The following DLGAP1 variants were observed in gnomAD, a reference collection of about 807,000 sequenced individuals.
The protein encoded by DLGAP1 is disks large-associated protein 1.
DLGAP1 carries 11 observed loss-of-function variants against 90.8 expected under a neutral mutation model. That is an observed-to-expected ratio of 0.12 (90% CI 0.08 to 0.20). DLGAP1 has a LOEUF of 0.20. Ranked by LOEUF, DLGAP1 falls within the 10% of genes least tolerant of loss-of-function variation. DLGAP1 has a pLI of 1.00. For missense variants in DLGAP1, 1,050 were observed against 1,333.8 expected, an observed-to-expected ratio of 0.79 and a Z score of 3.31; for synonymous variants, 558 against 540.7, an observed-to-expected ratio of 1.03 and a Z score of -0.44.
rs1751394536 is a variant in DLGAP1 at position 3,727,664 on chromosome 18, TCA to T, written c.1591+1469_1591+1470del. Reference sequence around the variant, plus strand: ...ACAGGGACAGGGCAGACCTTCCAAATCACACTTACTGCATGAATGCAAACACA... The same window carrying T: ...ACAGGGACAGGGCAGACCTTCCAAATCACTTACTGCATGAATGCAAACACA... On this transcript the variant is annotated intron_variant, in intron 7 of 12. Transcript: ENST00000315677. This position sits in a 1 kb window ranked among gnomAD's most constrained non-coding sequence, Gnocchi z 4.7. 6.6e-6 allele frequency: 1 copy of T among 152,180 alleles called. No homozygotes were observed. Among genetic ancestry groups the T allele is most frequent in the Non-Finnish European group, 1.5e-5 (1 of 68,016 alleles). 9.4% of individuals were successfully genotyped at this position (152,180 alleles called of 1,614,324 possible). A position where few individuals can be genotyped will look rare whatever the true frequency, so the allele number is the denominator to read the frequency against.
At chr18:3,581,664 G>GAAAA (rs71159093) in intron 8 of DLGAP1, among the ~76,000 whole-genome samples, 1 of 142,078 alleles carries the variant, frequency 7.0e-6, no homozygotes, top group Non-Finnish European at 1.5e-5. Flanking sequence ...TTCTCACCAT[G>GAAAA]AAAAAAAAAA....
At chr18:4,364,032 T>C (rs2081696004) in intron 1 of DLGAP1, among the ~76,000 whole-genome samples, 1 of 151,290 alleles carries the variant, frequency 6.6e-6, no homozygotes, top group African/African-American at 2.4e-5. Flanking sequence ...ATAGACTGGA[T>C]TAAGAAAATG....
intron 7 of DLGAP1, among the ~76,000 whole-genome samples, chr18:3,679,627 C>T (rs531924414): frequency 3.4e-5 from 5 of 149,176 alleles, no homozygotes; most frequent in African/African-American, 1.2e-4. Context: ...CGATGAGCTC[C>T]GTGGTAGTTT....
At chr18:4,233,294 C>T (rs548424465) in intron 1 of DLGAP1, among the ~76,000 whole-genome samples, 80 of 152,276 alleles carry the variant, frequency 5.3e-4, no homozygotes, top group African/African-American at 1.9e-3. Context: ...TCCTTAGTCT[C>T]TTCTAATCTG....
rs111502924 is a variant in DLGAP1, at chr18:4,162,574, A to T, written c.-266-11287T>A. 5.6e-3 allele frequency among the ~76,000 whole-genome samples: 849 copies of T among 152,330 alleles called. 9 individuals are homozygous for T. The highest frequency in any genetic ancestry group is 0.017 in the African/African-American group (722 of 41,564). On this transcript the variant is annotated intron_variant, in intron 1 of 12. Transcript: ENST00000315677. ...CCAAAAATTCCACCTAAATTTTCTGAGATTAATCCATTTGAAGTCTTTGAA... is the reference window on the plus strand; with the variant it reads ...CCAAAAATTCCACCTAAATTTTCTGTGATTAATCCATTTGAAGTCTTTGAA...
intron 3 of DLGAP1, among the ~76,000 whole-genome samples, chr18:3,918,108 A>G (rs894066190): frequency 1.3e-5 from 2 of 152,242 alleles, no homozygotes; most frequent in Non-Finnish European, 2.9e-5. Flanking sequence ...CTAGGATAAC[A>G]TTCTGAAGAA....
intron 5 of DLGAP1, among the ~76,000 whole-genome samples, chr18:3,805,042 C>G (rs1054707166): frequency 6.6e-6 from 1 of 152,208 alleles, no homozygotes; most frequent in African/African-American, 2.4e-5. Context: ...TTCTGTTGTA[C>G]TGGGAATCCT....
chr18:3,600,372 C>T (rs1207065640), intron 7 of DLGAP1, among the ~76,000 whole-genome samples: 1 of 152,004 alleles, frequency 6.6e-6, no homozygotes, highest in Non-Finnish European at 1.5e-5. Context: ...TCTCCTGCCT[C>T]AGCCTCCCGA....
intron 7 of DLGAP1, among the ~76,000 whole-genome samples, chr18:3,703,993 T>C (rs946242159): frequency 3.3e-5 from 5 of 152,270 alleles, no homozygotes; most frequent in Middle Eastern, 3.4e-3. Flanking sequence ...AATTATACCA[T>C]TGGGAACATT....
chr18:4,265,297 T>C (rs1380213196), intron 1 of DLGAP1, among the ~76,000 whole-genome samples: 1 of 152,002 alleles, frequency 6.6e-6, no homozygotes, highest in Admixed American at 6.6e-5. Context: ...GCCTCTGGAA[T>C]AGCTGGGACT....
chr18:4,228,108 G>GA (rs35904974), intron 1 of DLGAP1, among the ~76,000 whole-genome samples: 3,102 of 145,198 alleles, frequency 0.021, 42 homozygotes, highest in Middle Eastern at 0.077. Flanking sequence ...TAGAAGAAAT[G>GA]AAAAAAAAAA....
chr18:4,422,989 A>C (rs1395968415), intron 1 of DLGAP1, among the ~76,000 whole-genome samples: 1 of 152,170 alleles, frequency 6.6e-6, no homozygotes, highest in Admixed American at 6.5e-5. Flanking sequence ...GATTAGCATA[A>C]TGATTAGTGC....
chr18:4,218,506 A>G (rs551582818), intron 1 of DLGAP1, among the ~76,000 whole-genome samples: 1 of 152,126 alleles, frequency 6.6e-6, no homozygotes, highest in East Asian at 1.9e-4. Context: ...ATTTTGCAAT[A>G]TATAATACAT....
intron 4 of DLGAP1, chr18:3,874,893 G>A: frequency 1.4e-6 from 1 of 736,326 alleles, no homozygotes; most frequent in South Asian, 5.4e-5. Flanking sequence ...CGTATTAACT[G>A]GGACTTGCAA....
At chr18:3,768,883 A>G (rs1169193052) in intron 5 of DLGAP1, among the ~76,000 whole-genome samples, 1 of 152,224 alleles carries the variant, frequency 6.6e-6, no homozygotes, top group African/African-American at 2.4e-5. Flanking sequence ...TAGAATCAAC[A>G]CTAAAAGAAT....
chr18:3,749,271 C>T (rs1192387608), intron 5 of DLGAP1, among the ~76,000 whole-genome samples: 5 of 151,700 alleles, frequency 3.3e-5, no homozygotes, highest in Admixed American at 2.0e-4. Flanking sequence ...GCCTCAGCCT[C>T]CCAAGTAGCT....
chr18:3,652,550 C>T (rs1051359579), intron 7 of DLGAP1, among the ~76,000 whole-genome samples: 2 of 152,112 alleles, frequency 1.3e-5, no homozygotes, highest in African/African-American at 2.4e-5. Flanking sequence ...GGCTCACGGC[C>T]GTCTTGAACT....
chr18:3,755,585 T>C (rs986858136), intron 5 of DLGAP1, among the ~76,000 whole-genome samples: 1 of 152,198 alleles, frequency 6.6e-6, no homozygotes, highest in Non-Finnish European at 1.5e-5. Context: ...AAGGGGCGTC[T>C]TATAACAACA....
chr18:3,698,474 G>A (rs543417930), intron 7 of DLGAP1, among the ~76,000 whole-genome samples: 180 of 152,218 alleles, frequency 1.2e-3, no homozygotes, highest in African/African-American at 4.0e-3. Flanking sequence ...TGAAATTCTG[G>A]GTTGAAAATT....
Sources: gnomAD v4.1 joint callset for allele counts (sites outside exome capture counted in the v4.1 genomes callset) on GRCh38, gnomAD v4.1.1 for gene constraint, Gnocchi (gnomAD v3.1) non-coding constraint, MANE v1.5 for transcripts, NCBI Gene and HGNC (gene_info 2026-07-23, HGNC 2026-07-21) for gene names.